Variants in GCNT4 observed in about 807,000 individuals in gnomAD.
GCNT4 encodes glucosaminyl (N-acetyl) transferase 4, also known as beta-1,3-galactosyl-O-glycosyl-glycoprotein beta-1,6-N-acetylglucosaminyltransferase 4.
Under a neutral mutation model 31.3 loss-of-function variants are expected in GCNT4, and 17 were observed. The observed-to-expected ratio is 0.54, with a 90% CI of 0.37 to 0.81. The LOEUF is 0.81. Ranked by LOEUF, GCNT4 falls within the 40% of genes least tolerant of loss-of-function variation. The pLI, the probability that GCNT4 is intolerant of heterozygous loss-of-function variation, is 0.00. For missense variants in GCNT4, 503 were observed against 525.5 expected (o/e 0.96, Z 0.42); for synonymous variants, 158 against 190.6 (o/e 0.83, Z 1.41).
At chr5:75,040,117 C>T (rs1427967404) in intron 3 of GCNT4, among the ~76,000 whole-genome samples, 1 of 152,060 alleles carries the variant, frequency 6.6e-6, no homozygotes, top group Non-Finnish European at 1.5e-5. Flanking sequence ...ACTACTTTTC[C>T]TGGATCCTAG....
chr5:75,053,251 C>G (rs552654534), upstream of GCNT4, among the ~76,000 whole-genome samples: 3 of 151,964 alleles, frequency 2.0e-5, no homozygotes, highest in South Asian at 4.1e-4. Context: ...ACGCTGTGTC[C>G]GTCCGCCGCG....
At chr5:75,045,492 T>C (rs73125239) in intron 3 of GCNT4, among the ~76,000 whole-genome samples, 3,278 of 152,338 alleles carry the variant, frequency 0.022, 117 homozygotes, top group African/African-American at 0.073. Context: ...TAATATTCCA[T>C]TGTATGTATA....
Position 75,028,642 on chromosome 5 carries a change from C to G in GCNT4, c.*34G>C, listed in dbSNP as rs772111955. 1.9e-6 allele frequency: 3 copies of G among 1,569,298 alleles called. 1 individual carries two copies. In the South Asian group the frequency reaches 3.6e-5, roughly 19 times the overall value. ...TCAATTCCACACTGACTCCATTTAT[C>G]AGGCACCCTCTTATTTCCATCCTGA... On this transcript the variant is annotated 3_prime_UTR_variant, in exon 4 of 4. Transcript: ENST00000652361.
In GCNT4 at chr5:75,026,380, C is replaced by A. The variant is rs1404394747; in HGVS notation, c.*2296G>T. The stretch of plus-strand genomic sequence containing the variant: ...GCCCCATTCTCAATGTGTCACTGTA[C>A]CAACCTGTAACCCTATTGGCTTAGA... On this transcript the variant is annotated 3_prime_UTR_variant, in exon 4 of 4. Coordinates refer to ENST00000652361, the MANE Select transcript of GCNT4 (RefSeq NM_001366737.1). The A allele has an allele frequency of 1.3e-5, 2 of 152,064 alleles. No homozygotes were observed. Among genetic ancestry groups the A allele is most frequent in the East Asian group, 3.8e-4 (2 of 5,200 alleles). The allele number at this position is 152,064 out of a possible 1,614,324, so 9.4% of individuals were successfully genotyped here. A position where few individuals can be genotyped will look rare whatever the true frequency, so the allele number is the denominator to read the frequency against.
At chr5:75,033,829 C>T (rs1412113762) in intron 3 of GCNT4, among the ~76,000 whole-genome samples, 4 of 152,010 alleles carry the variant, frequency 2.6e-5, no homozygotes, top group Admixed American at 6.6e-5. Context: ...AATGCTCTCC[C>T]TCCCCTTGCT....
the GCNT4 span, among the ~76,000 whole-genome samples, chr5:75,019,611 C>T: frequency 6.6e-6 from 1 of 152,288 alleles, no homozygotes; most frequent in Non-Finnish European, 1.5e-5. Context: ...TTCTCATTTC[C>T]TGGCATGATA....
the GCNT4 span, among the ~76,000 whole-genome samples, chr5:75,019,990 T>G: frequency 6.6e-6 from 1 of 152,194 alleles, no homozygotes; most frequent in Admixed American, 6.5e-5. Flanking sequence ...ATTAAGGAAT[T>G]ATTCTTAATT....
chr5:75,052,652 G>A (rs371184343), upstream of GCNT4: 1 of 152,178 alleles, frequency 6.6e-6, no homozygotes, highest in Admixed American at 6.5e-5. Context: ...CGCCCCCAAA[G>A]AACAACTCGG....
downstream of GCNT4, chr5:75,024,056 A>G (rs1742913254): frequency 6.6e-6 from 1 of 152,152 alleles, no homozygotes; most frequent in African/African-American, 2.4e-5. Context: ...TTTTTTTTCC[A>G]GTACTGAGAA....
intron 3 of GCNT4, among the ~76,000 whole-genome samples, chr5:75,035,822 G>A (rs1227520919): frequency 6.6e-6 from 1 of 152,148 alleles, no homozygotes; most frequent in African/African-American, 2.4e-5. Flanking sequence ...GAGATGATTA[G>A]GGACTTCATG....
In GCNT4 at chr5:75,028,782, A is replaced by G; in HGVS notation, c.1256T>C (p.Ile419Thr). 4 of 1,614,028 alleles carry G rather than the reference A, an allele frequency of 2.5e-6. No homozygotes were observed. The highest frequency in any genetic ancestry group is 3.4e-6 in the Non-Finnish European group (4 of 1,179,984). Residue 419 changes from isoleucine to threonine, a missense_variant, in exon 4 of 4, where the codon ATC (isoleucine) becomes ACC (threonine). Coordinates refer to ENST00000652361, the MANE Select transcript of GCNT4 (RefSeq NM_001366737.1). ...CTTTTCTGCCAAGCATTTAATCAAGATAGGGTCCACCTTAGAATCAAATTT... is the reference window on the plus strand; with the variant it reads ...CTTTTCTGCCAAGCATTTAATCAAGGTAGGGTCCACCTTAGAATCAAATTT... ...ANKFDSKVDP[I>T]LIKCLAEKLE...
At chr5:75,024,362 T>A (rs2149943860), downstream of GCNT4, among the ~76,000 whole-genome samples, 1 of 152,292 alleles carries the variant, frequency 6.6e-6, no homozygotes, top group Non-Finnish European at 1.5e-5. Flanking sequence ...ATAGTGTTTA[T>A]TTTTTTAGGT....
intron 3 of GCNT4, among the ~76,000 whole-genome samples, chr5:75,034,737 A>G (rs963780567): frequency 2.6e-5 from 4 of 152,226 alleles, no homozygotes; most frequent in African/African-American, 9.6e-5. Flanking sequence ...TGGTGGCTAT[A>G]ACTCAGGTGA....
intron 3 of GCNT4, 105 bp downstream of exon 3, chr5:75,047,792 A>AG (rs1743476676): frequency 6.6e-6 from 1 of 151,612 alleles, no homozygotes; most frequent in Non-Finnish European, 1.5e-5. Context: ...AGCTTGGGGG[A>AG]GGTAGGTAAA....
intron 3 of GCNT4, among the ~76,000 whole-genome samples, chr5:75,042,049 C>T (rs952741382): frequency 1.3e-5 from 2 of 152,072 alleles, no homozygotes; most frequent in Non-Finnish European, 2.9e-5. Flanking sequence ...TCACATGAAA[C>T]GTTTGCTTCT....
At chr5:75,024,438 C>T (rs1485272408), downstream of GCNT4, among the ~76,000 whole-genome samples, 1 of 152,134 alleles carries the variant, frequency 6.6e-6, no homozygotes, top group East Asian at 1.9e-4. Context: ...AATATGCAAA[C>T]CCCTGGCATA....
In GCNT4 at chr5:75,029,706, T is replaced by C; in HGVS notation, c.332A>G (p.Asp111Gly). Reference sequence around the variant, plus strand: ...ATAACCTCTTAGAGTCTGATAAATGTCACAATCACTGGTCATTGCCACAAC... The same window carrying C: ...ATAACCTCTTAGAGTCTGATAAATGCCACAATCACTGGTCATTGCCACAAC... Reference protein sequence around the residue: ...DDVVAMTSDCDIYQTLRGYAQ... With the variant: ...DDVVAMTSDCGIYQTLRGYAQ... Residue 111 changes from aspartate (D) to glycine (G), a missense_variant, in exon 4 of 4, where the codon GAC becomes GGC. Asp to Gly is a moderately conservative substitution (Grantham distance 94, BLOSUM62 -1). Transcript: ENST00000652361. 1 of 1,614,158 alleles carries C rather than the reference T, an allele frequency of 6.2e-7. No individual in the cohort carries two copies. The highest frequency in any genetic ancestry group is 1.3e-5 in the African/African-American group (1 of 75,052).
chr5:75,049,991 C>G (rs1743532488), intron 2 of GCNT4, among the ~76,000 whole-genome samples: 1 of 152,222 alleles, frequency 6.6e-6, no homozygotes, highest in African/African-American at 2.4e-5. Context: ...CTTACAACAG[C>G]CCACAAGGAG....
intron 2 of GCNT4, among the ~76,000 whole-genome samples, chr5:75,050,747 C>T (rs534948564): frequency 1.4e-5 from 2 of 143,046 alleles, no homozygotes; most frequent in South Asian, 4.6e-4. Flanking sequence ...TCTGCTCTCA[C>T]ACCCTACACA....
Sources: allele counts gnomAD v4.1 joint callset (sites outside exome capture counted in the v4.1 genomes callset), GRCh38; gene constraint gnomAD v4.1.1; transcripts MANE v1.5; gene names NCBI Gene and HGNC (gene_info 2026-07-23, HGNC 2026-07-21).